Variants in RPS6KA2 observed in about 807,000 individuals in gnomAD.
RPS6KA2 encodes the protein ribosomal protein S6 kinase alpha-2.
Under a neutral mutation model 91.8 loss-of-function variants are expected in RPS6KA2, and 42 were observed. The ratio of observed to expected loss-of-function variants is 0.46; its 90% CI spans 0.36 to 0.59. RPS6KA2 has a LOEUF of 0.59. Among genes scored for constraint, RPS6KA2 ranks in the 20% least tolerant of loss-of-function variants. RPS6KA2 has a pLI of 0.00. For missense variants in RPS6KA2, 798 were observed against 978.5 expected (o/e 0.82, Z 2.46); for synonymous variants, 414 against 393.6 (o/e 1.05, Z -0.61).
chr6:166,543,401 G>A (rs1380232285), intron 1 of RPS6KA2, among the ~76,000 whole-genome samples: 1 of 152,120 alleles, frequency 6.6e-6, no homozygotes, highest in African/African-American at 2.4e-5. Context: ...CTCTAAACTT[G>A]GCTTCGTCTA....
intron 1 of RPS6KA2, among the ~76,000 whole-genome samples, chr6:166,596,214 G>T (rs1296602480): frequency 6.6e-6 from 1 of 152,186 alleles, no homozygotes; most frequent in African/African-American, 2.4e-5. Flanking sequence ...AAGGAAGGAG[G>T]TCGGTTTGAG....
In RPS6KA2 at chr6:166,504,569, A is replaced by G; in HGVS notation, c.503T>C (p.Leu168Pro). The G allele has an allele frequency of 6.2e-7, 1 of 1,614,052 alleles. No homozygotes were observed. The highest frequency in any genetic ancestry group is 8.5e-7 in the Non-Finnish European group (1 of 1,179,934). The change falls in exon 6 of 21, where the codon CTG becomes CCG. Residue 168 changes from leucine (L) to proline (P), a missense_variant. Physicochemically the swap from Leu to Pro is moderately conservative, Grantham distance 98 (BLOSUM62 -3). Transcript: ENST00000265678. ...EEDVKFYLAE[L>P]ALALDHLHSL... is the part of the protein sequence containing the mutation. The stretch of plus-strand genomic sequence containing the variant: ...GTGGAGATGGTCTAAAGCCAAGGCC[A>G]GCTCAGCCAGGTAGAACTTGACATC...
intron 1 of RPS6KA2, among the ~76,000 whole-genome samples, chr6:166,586,950 CT>C (rs2128519390): frequency 6.6e-6 from 1 of 152,296 alleles, no homozygotes; most frequent in East Asian, 1.9e-4. Context: ...GGTCATGTGA[CT>C]AGCCCTGGCC....
Position 166,635,682 on chromosome 6 carries a change from G to A in RPS6KA2, c.124-96898C>T, listed in dbSNP as rs563441259. 1.5e-4 allele frequency among the ~76,000 whole-genome samples: 23 copies of A among 152,216 alleles called. No homozygotes were observed. Among genetic ancestry groups the A allele is most frequent in the African/African-American group, 5.1e-4 (21 of 41,538 alleles). On this transcript the variant is annotated intron_variant, in intron 2 of 21. Coordinates refer to the RPS6KA2 transcript ENST00000503859. The surrounding 1 kb of genome is among the most constrained non-coding windows in gnomAD (Gnocchi z 4.8). ...TACCCCAGAAGAGGAGGAAGAGCCC[G>A]GGAGGCTTTGGCAGGAGGATGCCAT... is the stretch of plus-strand genomic sequence containing the variant.
intron 2 of RPS6KA2, among the ~76,000 whole-genome samples, chr6:166,830,196 T>C (rs1341803712): frequency 1.3e-5 from 2 of 150,762 alleles, no homozygotes; most frequent in African/African-American, 4.9e-5. Context: ...TGCTACAACA[T>C]GGAGCCCATA....
intron 3 of RPS6KA2, among the ~76,000 whole-genome samples, chr6:166,518,882 GA>G (rs1182767218): frequency 1.3e-5 from 2 of 152,230 alleles, no homozygotes; most frequent in African/African-American, 4.8e-5. Flanking sequence ...AGGGACTAGG[GA>G]AGATGTTCAG....
At position 166,563,266 on chromosome 6, in the gene RPS6KA2, G is replaced by A. The variant is rs1471002473; in HGVS notation, c.100-24482C>T. Among the ~76,000 whole-genome samples the A allele has an allele frequency of 6.6e-6, 1 of 152,182 alleles. No individual in the cohort carries two copies. Among genetic ancestry groups the A allele is most frequent in the Non-Finnish European group, 1.5e-5 (1 of 68,034 alleles). On this transcript the variant is annotated intron_variant, in intron 1 of 20. Coordinates refer to ENST00000265678, the MANE Select transcript of RPS6KA2 (RefSeq NM_021135.6). This position sits in a 1 kb window ranked among gnomAD's most constrained non-coding sequence, Gnocchi z 4.1. ...GAGAAGGCATCCTCCGGTGGGATGG[G>A]GTGGAGCTGGGAGAGGCCCCAGCGG...
chr6:166,580,425 A>AT (rs1784968814), intron 1 of RPS6KA2, among the ~76,000 whole-genome samples: 1 of 152,218 alleles, frequency 6.6e-6, no homozygotes, highest in African/African-American at 2.4e-5. Context: ...AAGAAGCAGC[A>AT]TTGTCTTGGG....
chr6:166,778,070 T>G (rs1386742413), intron 2 of RPS6KA2, among the ~76,000 whole-genome samples: 1 of 152,212 alleles, frequency 6.6e-6, no homozygotes, highest in Non-Finnish European at 1.5e-5. Flanking sequence ...AACAAAGTGA[T>G]TTTGAAGGCT....
chr6:166,668,506 C>T (rs75005233), intron 2 of RPS6KA2, among the ~76,000 whole-genome samples: 6,174 of 152,242 alleles, frequency 0.041, 154 homozygotes, highest in Middle Eastern at 0.11. Context: ...GTGTTTCATA[C>T]AAAGAATTGG....
At chr6:166,782,393 G>A (rs1191283081) in intron 2 of RPS6KA2, among the ~76,000 whole-genome samples, 2 of 152,226 alleles carry the variant, frequency 1.3e-5, no homozygotes, top group African/African-American at 4.8e-5. Context: ...TGAGTCTTTA[G>A]AAGCACAAGT....
At chr6:166,638,184 T>C (rs1787309647) in intron 2 of RPS6KA2, among the ~76,000 whole-genome samples, 1 of 152,240 alleles carries the variant, frequency 6.6e-6, no homozygotes, top group Non-Finnish European at 1.5e-5. Context: ...AGAGCCAGGC[T>C]TCAAAGAAAT....
rs1779252507 is a variant in RPS6KA2, at chr6:166,435,075, G to T, written c.1333-2585C>A. Among the ~76,000 whole-genome samples the T allele has an allele frequency of 1.3e-5, 2 of 152,094 alleles. No homozygotes were observed. On this transcript the variant is annotated intron_variant, in intron 14 of 20. Coordinates refer to ENST00000265678, the MANE Select transcript of RPS6KA2 (RefSeq NM_021135.6). This position sits in a 1 kb window ranked among gnomAD's most constrained non-coding sequence, Gnocchi z 4.3. ...TTGTCTATTCAAAATATGAAATAAA[G>T]AATTCCAAAATTTCAGCTTACTATT...
chr6:166,734,995 C>G (rs1004090517), intron 2 of RPS6KA2, among the ~76,000 whole-genome samples: 5 of 152,198 alleles, frequency 3.3e-5, no homozygotes, highest in Non-Finnish European at 7.3e-5. Flanking sequence ...ACCTTTATGT[C>G]TATAGCCTTG....
At chr6:166,851,320 G>A (rs761030035) in intron 2 of RPS6KA2, among the ~76,000 whole-genome samples, 8 of 152,132 alleles carry the variant, frequency 5.3e-5, no homozygotes, top group African/African-American at 9.7e-5. Flanking sequence ...CTGCTGCTCC[G>A]CACACTAGAC....
intron 6 of RPS6KA2, among the ~76,000 whole-genome samples, chr6:166,503,585 C>A (rs548652568): frequency 6.6e-6 from 1 of 152,098 alleles, no homozygotes; most frequent in Non-Finnish European, 1.5e-5. Context: ...CATCTAGGGG[C>A]GGCTATGGGC....
intron 2 of RPS6KA2, among the ~76,000 whole-genome samples, chr6:166,695,155 G>A (rs554626293): frequency 6.6e-6 from 1 of 152,302 alleles, no homozygotes; most frequent in Non-Finnish European, 1.5e-5. Context: ...TATGCGAATG[G>A]ACTCAGGAAG....
intron 2 of RPS6KA2, among the ~76,000 whole-genome samples, chr6:166,708,691 C>A (rs1003423421): frequency 6.6e-6 from 1 of 152,206 alleles, no homozygotes; most frequent in African/African-American, 2.4e-5. Context: ...GCTAAACAGG[C>A]TTTACCAGTA....
chr6:166,702,246 C>T, intron 2 of RPS6KA2: 1 of 1,612,932 alleles, frequency 6.2e-7, no homozygotes, highest in African/African-American at 1.3e-5. Context: ...AGAGGCAAAT[C>T]ACATGGTTTC....
Sources: allele counts gnomAD v4.1 joint callset (sites outside exome capture counted in the v4.1 genomes callset), GRCh38; gene constraint gnomAD v4.1.1; non-coding constraint Gnocchi (gnomAD v3.1); transcripts MANE v1.5; gene names NCBI Gene and HGNC (gene_info 2026-07-23, HGNC 2026-07-21).